The following PLEKHA6 variants were observed in gnomAD, a reference collection of about 807,000 sequenced individuals.
PLEKHA6 encodes pleckstrin homology domain-containing family A member 6.
PLEKHA6 carries 60 observed loss-of-function variants against 116.7 expected under a neutral mutation model. That is an observed-to-expected ratio of 0.51 (90% CI 0.42 to 0.64). PLEKHA6 has a LOEUF of 0.64. Ranked by LOEUF, PLEKHA6 falls within the 30% of genes least tolerant of loss-of-function variation. The pLI, the probability that PLEKHA6 is intolerant of heterozygous loss-of-function variation, is 0.00. For missense variants in PLEKHA6, 1,338 were observed against 1,422.7 expected (o/e 0.94, Z 0.96); for synonymous variants, 489 against 556.1 (o/e 0.88, Z 1.70).
intron 8 of PLEKHA6, among the ~76,000 whole-genome samples, chr1:204,258,775 TG>T (rs1665696104): frequency 1.3e-5 from 2 of 152,244 alleles, no homozygotes; most frequent in African/African-American, 4.8e-5. Flanking sequence ...TGAGCTACTT[TG>T]TTTTGTTTTT....
Position 204,248,828 on chromosome 1 carries a change from G to A in PLEKHA6, c.1817C>T (p.Ala606Val), listed in dbSNP as rs746530297. The A allele has an allele frequency of 1.9e-5, 31 of 1,613,518 alleles. No individual in the cohort carries two copies. Among genetic ancestry groups the A allele is most frequent in the East Asian group, 4.5e-5 (2 of 44,898 alleles). The change falls in exon 12 of 23, where the codon GCG (alanine) becomes GTG (valine). Residue 606 changes from alanine to valine, a missense_variant. Physicochemically the swap from Ala to Val is moderately conservative, Grantham distance 64. Transcript: ENST00000272203. ...CCCCGCTCCCTGGGTTACCGTGGTCGCCTGAGACAGCTCCACGCGGATGTT... is the reference window on the plus strand; with the variant it reads ...CCCCGCTCCCTGGGTTACCGTGGTCACCTGAGACAGCTCCACGCGGATGTT... ...LINIRVELSQ[A>V]TTALTNSTIE...
chr1:204,308,015 C>T (rs1671461124), intron 1 of PLEKHA6: 1 of 400,330 alleles, frequency 2.5e-6, no homozygotes, highest in South Asian at 1.0e-4. Context: ...ATATAAATGG[C>T]TAAATTTGTC....
At chr1:204,233,467 A>C (rs1215636669) in intron 17 of PLEKHA6, among the ~76,000 whole-genome samples, 3 of 151,556 alleles carry the variant, frequency 2.0e-5, no homozygotes, top group Non-Finnish European at 2.9e-5. Context: ...CAGTCTCCTG[A>C]GTAGCTAAGA....
rs1027587343 is a variant in PLEKHA6, at chr1:204,239,356, C to T, written c.2409+2019G>A. Among the ~76,000 whole-genome samples, 15 of 152,270 alleles carry T rather than the reference C, an allele frequency of 9.9e-5. No individual in the cohort carries two copies. In the South Asian group the frequency reaches 1.2e-3, roughly 13 times the overall value. ...CCAACATTGAGCCCTTGATATGGCA[C>T]GATTCCTTGGGGTGAACAACCAGCT... is the stretch of plus-strand genomic sequence containing the variant. On this transcript the variant is annotated intron_variant, in intron 17 of 22. Coordinates refer to ENST00000272203, the MANE Select transcript of PLEKHA6 (RefSeq NM_014935.5).
Position 204,223,700 on chromosome 1 carries a change from A to G in PLEKHA6, c.3032-115T>C. On this transcript the variant is annotated intron_variant, in intron 21 of 22. Transcript: ENST00000272203. This position sits in a 1 kb window ranked among gnomAD's most constrained non-coding sequence, Gnocchi z 4.8. ...GAGTGAGGCAGGGAGGCAAGCGAAG[A>G]GAGAGCACTGAGCTTGGAGCTTGCT... 1 of 630,676 alleles carries G rather than the reference A, an allele frequency of 1.6e-6. No individual in the cohort carries two copies. Among genetic ancestry groups the G allele is most frequent in the Non-Finnish European group, 2.9e-6 (1 of 346,944 alleles). 39.1% of individuals were successfully genotyped at this position (630,676 alleles called of 1,614,324 possible). A position where few individuals can be genotyped will look rare whatever the true frequency, so the allele number is the denominator to read the frequency against.
Position 204,273,065 on chromosome 1 carries a change from G to A in PLEKHA6, c.102+561C>T, listed in dbSNP as rs115743386. On this transcript the variant is annotated intron_variant, in intron 3 of 22. Coordinates refer to ENST00000272203, the MANE Select transcript of PLEKHA6 (RefSeq NM_014935.5). ...TGACCACATTGCTGCTAAACCCAGA[G>A]GACACTTTCAGCCTTTGTCTTCCTG... 1.3e-3 allele frequency among the ~76,000 whole-genome samples: 194 copies of A among 152,180 alleles called. 1 individual carries two copies. Among genetic ancestry groups the A allele is most frequent in the African/African-American group, 4.6e-3 (189 of 41,506 alleles).
intron 1 of PLEKHA6, among the ~76,000 whole-genome samples, chr1:204,326,602 G>C (rs1367216339): frequency 6.6e-6 from 1 of 152,180 alleles, no homozygotes; most frequent in African/African-American, 2.4e-5. Flanking sequence ...AGTGCTCCAG[G>C]TGATAGATCA....
intron 1 of PLEKHA6, among the ~76,000 whole-genome samples, chr1:204,359,022 C>G (rs1673494683): frequency 6.6e-6 from 1 of 151,622 alleles, no homozygotes; most frequent in South Asian, 2.1e-4. Context: ...CACAATACCT[C>G]GAGGCTCTTA....
At chr1:204,332,779 A>C (rs1224255096) in intron 1 of PLEKHA6, among the ~76,000 whole-genome samples, 1 of 152,150 alleles carries the variant, frequency 6.6e-6, no homozygotes, top group Admixed American at 6.5e-5. Flanking sequence ...CCAACTCTGA[A>C]ACTCAAATCC....
chr1:204,300,160 C>T (rs554039697), intron 1 of PLEKHA6, among the ~76,000 whole-genome samples: 5 of 152,118 alleles, frequency 3.3e-5, no homozygotes, highest in Non-Finnish European at 7.4e-5. Flanking sequence ...TGAATTAGTG[C>T]TTCCTTTGAC....
At chr1:204,311,543 T>C in intron 1 of PLEKHA6, 1 of 858,096 alleles carries the variant, frequency 1.2e-6, no homozygotes. Context: ...GTTCCAGAAC[T>C]AAGCAGATTA....
chr1:204,237,001 CA>C (rs1260461293), intron 17 of PLEKHA6, among the ~76,000 whole-genome samples: 1 of 152,162 alleles, frequency 6.6e-6, no homozygotes, highest in Non-Finnish European at 1.5e-5. Context: ...GGCCTTTTAC[CA>C]GGGTGACTGT....
At chr1:204,222,991 G>A (rs1255273655) in intron 22 of PLEKHA6, among the ~76,000 whole-genome samples, 1 of 152,194 alleles carries the variant, frequency 6.6e-6, no homozygotes, top group Non-Finnish European at 1.5e-5. Context: ...GCAAGGGAAG[G>A]GTTCACAGCC....
At chr1:204,282,276 A>G (rs1416432309) in intron 1 of PLEKHA6, among the ~76,000 whole-genome samples, 1 of 152,194 alleles carries the variant, frequency 6.6e-6, no homozygotes, top group Non-Finnish European at 1.5e-5. Context: ...GATACTATAC[A>G]GGGGAACTTC....
At chr1:204,293,067 C>A (rs759783913) in intron 1 of PLEKHA6, among the ~76,000 whole-genome samples, 1 of 152,176 alleles carries the variant, frequency 6.6e-6, no homozygotes, top group Non-Finnish European at 1.5e-5. Flanking sequence ...GGAGAGGGAG[C>A]AAGCCCACAC....
At chr1:204,234,890 A>T (rs1661725399) in intron 17 of PLEKHA6, among the ~76,000 whole-genome samples, 3 of 147,898 alleles carry the variant, frequency 2.0e-5, no homozygotes, top group Non-Finnish European at 3.0e-5. Context: ...CTTGCTCCTC[A>T]GCTTGCAGGC....
At chr1:204,270,165 T>C (rs1286386195) in intron 3 of PLEKHA6, among the ~76,000 whole-genome samples, 3 of 152,240 alleles carry the variant, frequency 2.0e-5, no homozygotes, top group Admixed American at 6.5e-5. Flanking sequence ...TCTACAAGAC[T>C]ATTGTTTCCC....
intron 11 of PLEKHA6, 81 bp downstream of exon 11, chr1:204,249,103 G>T: frequency 6.8e-7 from 1 of 1,479,262 alleles, no homozygotes; most frequent in Non-Finnish European, 9.4e-7. Flanking sequence ...ATCTCAGTCA[G>T]GTTGGAGACA....
At chr1:204,247,829 C>A (rs903617663) in intron 12 of PLEKHA6, among the ~76,000 whole-genome samples, 3 of 152,068 alleles carry the variant, frequency 2.0e-5, no homozygotes, top group Non-Finnish European at 4.4e-5. Context: ...GTGGCGCACC[C>A]CTGTAGTCCT....
Sources: allele counts gnomAD v4.1 joint callset (sites outside exome capture counted in the v4.1 genomes callset), GRCh38; gene constraint gnomAD v4.1.1; non-coding constraint Gnocchi (gnomAD v3.1); transcripts MANE v1.5; gene names NCBI Gene and HGNC (gene_info 2026-07-23, HGNC 2026-07-21).